Variants in TENM2 observed in about 807,000 individuals in gnomAD.
The protein encoded by TENM2 is teneurin-2.
A neutral mutation model predicts 245.2 loss-of-function variants in TENM2; 52 were observed. The ratio of observed to expected loss-of-function variants is 0.21; its 90% CI spans 0.17 to 0.27. The LOEUF (loss-of-function observed/expected upper bound fraction) is 0.27, where lower values mean the gene tolerates loss of function less well. Among genes scored for constraint, TENM2 ranks in the 10% least tolerant of loss-of-function variants. The probability of loss-of-function intolerance (pLI) is 1.00; values close to 1 mark genes in which losing one functional copy is unlikely to be tolerated. For synonymous variants in TENM2, 1,363 were observed against 1,438.9 expected, an observed-to-expected ratio of 0.95 and a Z score of 1.19; for missense variants, 3,046 against 3,666.8, an observed-to-expected ratio of 0.83 and a Z score of 4.37.
intron 1 of TENM2, among the ~76,000 whole-genome samples, chr5:167,304,226 T>C (rs1755530767): frequency 6.6e-6 from 1 of 152,192 alleles, no homozygotes; most frequent in South Asian, 2.1e-4. Flanking sequence ...ATGCACAGCC[T>C]AAGGCTCCTG....
At chr5:167,184,583 G>C in the TENM2 span, among the ~76,000 whole-genome samples, 985 of 152,268 alleles carry the variant, frequency 6.5e-3, 9 homozygotes, top group African/African-American at 0.023. Context: ...ATCAGTACAA[G>C]CCTGACCCTT....
chr5:167,775,154 G>T (rs923861291), intron 2 of TENM2, among the ~76,000 whole-genome samples: 1 of 152,068 alleles, frequency 6.6e-6, no homozygotes, highest in Non-Finnish European at 1.5e-5. Flanking sequence ...TTTTAGTAGA[G>T]ACGGGGTTTC....
At chr5:168,182,639 A>G (rs1205427406) in intron 13 of TENM2, among the ~76,000 whole-genome samples, 1 of 152,134 alleles carries the variant, frequency 6.6e-6, no homozygotes, top group Non-Finnish European at 1.5e-5. Flanking sequence ...CAAATGGGGC[A>G]GGGCAGGGAC....
chr5:167,733,792 G>C (rs1191698620), intron 2 of TENM2, among the ~76,000 whole-genome samples: 3 of 152,282 alleles, frequency 2.0e-5, no homozygotes, highest in South Asian at 2.1e-4. Context: ...CCAGTTTCTG[G>C]ACAAGAATCC....
At chr5:167,801,403 T>A (rs1765759927) in intron 2 of TENM2, among the ~76,000 whole-genome samples, 1 of 152,112 alleles carries the variant, frequency 6.6e-6, no homozygotes, top group South Asian at 2.1e-4. Flanking sequence ...ACCTGTTCCA[T>A]ATCCTAATGG....
chr5:167,913,791 C>A (rs1776724502), intron 3 of TENM2, among the ~76,000 whole-genome samples: 1 of 152,208 alleles, frequency 6.6e-6, no homozygotes, highest in Non-Finnish European at 1.5e-5. Context: ...CTGTCGATTC[C>A]TGTCCAAGCT....
At chr5:167,196,512 G>GTGTGTATATATA in the TENM2 span, among the ~76,000 whole-genome samples, 149 of 144,272 alleles carry the variant, frequency 1.0e-3, no homozygotes, top group African/African-American at 4.1e-3. Context: ...ATATATATGT[G>GTGTGTATATATA]TGTGTATATA....
At chr5:167,763,587 A>G (rs1312452803) in intron 2 of TENM2, among the ~76,000 whole-genome samples, 2 of 152,214 alleles carry the variant, frequency 1.3e-5, no homozygotes, top group South Asian at 2.1e-4. Flanking sequence ...ATTGTCTTCA[A>G]TTGCCCAGCA....
intron 2 of TENM2, among the ~76,000 whole-genome samples, chr5:167,467,642 A>G (rs1032070118): frequency 1.4e-4 from 21 of 152,080 alleles, no homozygotes; most frequent in East Asian, 3.9e-4. Context: ...GTTCCTTTCC[A>G]TATTTGTTAC....
At chr5:167,839,905 C>A (rs1397411969) in intron 2 of TENM2, among the ~76,000 whole-genome samples, 1 of 152,170 alleles carries the variant, frequency 6.6e-6, no homozygotes, top group Non-Finnish European at 1.5e-5. Flanking sequence ...GCAACCTCCG[C>A]CTCCCGGGTT....
chr5:167,057,038 C>G, the TENM2 span, among the ~76,000 whole-genome samples: 1 of 151,944 alleles, frequency 6.6e-6, no homozygotes, highest in South Asian at 2.1e-4. Context: ...GCTGTTCTCC[C>G]TGCTTTTCAG....
intron 2 of TENM2, among the ~76,000 whole-genome samples, chr5:167,851,552 G>T (rs1770581685): frequency 6.6e-6 from 1 of 152,094 alleles, no homozygotes; most frequent in Non-Finnish European, 1.5e-5. Context: ...CCTCTGGTTT[G>T]GGCCTTGGAT....
chr5:167,172,136 G>A, the TENM2 span, among the ~76,000 whole-genome samples: 1 of 152,172 alleles, frequency 6.6e-6, no homozygotes, highest in Non-Finnish European at 1.5e-5. Flanking sequence ...TTCACAACCA[G>A]TGTGACACAG....
intron 1 of TENM2, among the ~76,000 whole-genome samples, chr5:167,364,409 G>A (rs1759915117): frequency 6.6e-6 from 1 of 151,868 alleles, no homozygotes; most frequent in Non-Finnish European, 1.5e-5. Flanking sequence ...GAAAATGCAG[G>A]GAGCACAAAC....
chr5:167,547,213 G>T (rs1772618518), intron 2 of TENM2, among the ~76,000 whole-genome samples: 1 of 152,146 alleles, frequency 6.6e-6, no homozygotes, highest in Admixed American at 6.5e-5. Context: ...AGCCTCGCGA[G>T]TAGCTCGGAT....
chr5:166,987,761 A>G, the TENM2 span, among the ~76,000 whole-genome samples: 1 of 152,144 alleles, frequency 6.6e-6, no homozygotes, highest in Non-Finnish European at 1.5e-5. Context: ...CAAGCTGTCA[A>G]TTTACATTTT....
intron 2 of TENM2, among the ~76,000 whole-genome samples, chr5:167,434,708 A>T (rs986235879): frequency 3.3e-5 from 5 of 152,124 alleles, no homozygotes; most frequent in Non-Finnish European, 5.9e-5. Flanking sequence ...AAAACTTTAG[A>T]AGTATATGAC....
Position 168,126,329 on chromosome 5 carries a change from T to TGG in TENM2, c.2210-423_2210-422dup, listed in dbSNP as rs1254633789. On this transcript the variant is annotated intron_variant, in intron 11 of 28. Transcript: ENST00000518659. ...GGATCCGTACATGGATCTTTTCAGGTGGGTACTTCCCGGTTAGCTTTGCCA... is the reference window on the plus strand; with the variant it reads ...GGATCCGTACATGGATCTTTTCAGGTGGGGGTACTTCCCGGTTAGCTTTGCCA... Among the ~76,000 whole-genome samples, 5 of 152,258 alleles carry TGG rather than the reference T, an allele frequency of 3.3e-5. 1 individual carries two copies. The highest frequency in any genetic ancestry group is 1.2e-4 in the African/African-American group (5 of 41,550).
intron 2 of TENM2, among the ~76,000 whole-genome samples, chr5:167,776,080 C>T (rs1763742710): frequency 1.3e-5 from 2 of 148,974 alleles, no homozygotes; most frequent in Non-Finnish European, 3.0e-5. Context: ...AAAAAGAATT[C>T]CTAAATATAT....
Sources: allele counts gnomAD v4.1 joint callset (sites outside exome capture counted in the v4.1 genomes callset), GRCh38; gene constraint gnomAD v4.1.1; transcripts MANE v1.5; gene names NCBI Gene and HGNC (gene_info 2026-07-23, HGNC 2026-07-21).